The following HYDIN variants were observed in gnomAD, a reference collection of about 807,000 sequenced individuals.
HYDIN encodes axonemal central pair apparatus protein HYDIN.
In HYDIN, 132 loss-of-function variants were observed where a neutral mutation model predicts 403.9. That is an observed-to-expected ratio of 0.33 (90% CI 0.28 to 0.38). The LOEUF (loss-of-function observed/expected upper bound fraction) is 0.38, where lower values mean the gene tolerates loss of function less well. Ranked by LOEUF, HYDIN falls within the 10% of genes least tolerant of loss-of-function variation. The pLI is 1.00. For missense variants in HYDIN, 2,827 were observed against 5,009.5 expected (o/e 0.56, Z 13.15); for synonymous variants, 1,202 against 1,891.7 (o/e 0.64, Z 9.46).
intron 23 of HYDIN, among the ~76,000 whole-genome samples, chr16:71,011,693 C>A (rs2080090212): frequency 6.6e-6 from 1 of 152,080 alleles, no homozygotes; most frequent in South Asian, 2.1e-4. Flanking sequence ...CCACTGCACT[C>A]CAGCCTGGGT....
chr16:71,116,443 C>T (rs902265952), intron 9 of HYDIN, among the ~76,000 whole-genome samples: 14 of 152,174 alleles, frequency 9.2e-5, no homozygotes, highest in Non-Finnish European at 1.5e-4. Flanking sequence ...CTGGACACTT[C>T]GGTTGCTTCC....
rs911808992 is a variant in HYDIN at position 71,017,478 on chromosome 16, A to G, written c.3644+651T>C. Among the ~76,000 whole-genome samples the G allele has an allele frequency of 1.1e-3, 164 of 152,210 alleles. 1 individual carries two copies. Among genetic ancestry groups the G allele is most frequent in the African/African-American group, 3.8e-3 (157 of 41,498 alleles). On this transcript the variant is annotated intron_variant, in intron 23 of 85. Coordinates refer to ENST00000393567, the MANE Select transcript of HYDIN (RefSeq NM_001270974.2). ...ATTGTAAATTTCCTGAGGCCTCCCC[A>G]GCTATGTAGAACTGTGAGTCAATTA... is the stretch of plus-strand genomic sequence containing the variant.
chr16:70,888,720 C>T (rs958853568), intron 58 of HYDIN, among the ~76,000 whole-genome samples: 2 of 152,116 alleles, frequency 1.3e-5, no homozygotes, highest in Non-Finnish European at 2.9e-5. Flanking sequence ...GCTTGGTATT[C>T]GACCTTCTCC....
At chr16:70,892,611 G>A (rs1341520680) in intron 55 of HYDIN, 82 bp from the exon 56 acceptor site, 1 of 1,493,034 alleles carries the variant, frequency 6.7e-7, no homozygotes, top group Non-Finnish European at 8.9e-7. Context: ...AGATGGTTGA[G>A]TGCCTGCTGT....
chr16:71,064,636 AT>A, intron 16 of HYDIN, 68 bp downstream of exon 16: 1 of 1,422,416 alleles, frequency 7.0e-7, no homozygotes, highest in Non-Finnish European at 9.6e-7. Flanking sequence ...CTTCAGAGGG[AT>A]TTCTCTTTCT....
intron 7 of HYDIN, among the ~76,000 whole-genome samples, chr16:71,140,949 C>A (rs1020221279): frequency 1.3e-4 from 20 of 150,006 alleles, no homozygotes; most frequent in Non-Finnish European, 2.8e-4. Flanking sequence ...TGTCCCACTA[C>A]TAGAAATCTG....
Position 71,020,287 on chromosome 16 carries a change from G to C in HYDIN, c.3217C>G (p.Gln1073Glu), listed in dbSNP as rs1403226860. 1.9e-6 allele frequency: 3 copies of C among 1,613,802 alleles called. No homozygotes were observed. Among genetic ancestry groups the C allele is most frequent in the African/African-American group, 1.3e-5 (1 of 74,862 alleles). ...GAAATGTTCTTTATGGCCAAGGGCT[G>C]GTAATCAGGTTTCAGGATACTGTTA... ...KPNSILKPDY[Q>E]PLAIKNISTL... is the part of the protein sequence containing the mutation. The change falls in exon 22 of 86, where the codon CAG becomes GAG. Residue 1073 changes from glutamine to glutamate, a missense_variant. Transcript: ENST00000393567.
rs1276419758 is a variant in HYDIN at position 70,890,810 on chromosome 16, TG to T, written c.9656+835del. On this transcript the variant is annotated intron_variant, in intron 57 of 85. Transcript: ENST00000393567. ...AGGTAGCTTTGTGACGGTGTCTTCA[TG>T]GGGAGAAGGCAATAATAGTAACAGG... Among the ~76,000 whole-genome samples, 4 of 152,306 alleles carry T rather than the reference TG, an allele frequency of 2.6e-5. No individual in the cohort carries two copies. The East Asian group carries it at 7.7e-4, about 29-fold the overall frequency.
chr16:70,921,840 C>A (rs1215701389), intron 45 of HYDIN, among the ~76,000 whole-genome samples: 1 of 152,188 alleles, frequency 6.6e-6, no homozygotes, highest in African/African-American at 2.4e-5. Flanking sequence ...GCACCTCAGG[C>A]TTTTAAAATA....
At chr16:70,859,259 C>T (rs1025913039) in intron 71 of HYDIN, among the ~76,000 whole-genome samples, 2 of 152,034 alleles carry the variant, frequency 1.3e-5, no homozygotes, top group Non-Finnish European at 2.9e-5. Flanking sequence ...CGAGATCGCG[C>T]CACTGCACTC....
intron 1 of HYDIN, among the ~76,000 whole-genome samples, chr16:71,223,628 A>C (rs1304492444): frequency 4.1e-5 from 3 of 74,000 alleles, no homozygotes; most frequent in Non-Finnish European, 6.6e-5. Context: ...CAAATCAGCA[A>C]GAAAAAAAAA....
chr16:71,139,038 C>T (rs551228830), intron 7 of HYDIN, among the ~76,000 whole-genome samples: 2 of 146,906 alleles, frequency 1.4e-5, no homozygotes, highest in Non-Finnish European at 3.0e-5. Flanking sequence ...GAGCCAAGAT[C>T]GTCCCATTGC....
chr16:71,033,164 C>T (rs572082052), intron 18 of HYDIN, among the ~76,000 whole-genome samples: 1 of 151,792 alleles, frequency 6.6e-6, no homozygotes, highest in Non-Finnish European at 1.5e-5. Context: ...ATTAGTGAGA[C>T]CAATATTTCA....
At chr16:71,180,792 AT>A (rs1358354203) in intron 3 of HYDIN, among the ~76,000 whole-genome samples, 1 of 152,146 alleles carries the variant, frequency 6.6e-6, no homozygotes, top group Admixed American at 6.5e-5. Flanking sequence ...GTAATTGCTT[AT>A]TTCAAAAATT....
intron 49 of HYDIN, among the ~76,000 whole-genome samples, chr16:70,907,903 G>C (rs1383793808): frequency 1.3e-5 from 2 of 151,622 alleles, no homozygotes; most frequent in African/African-American, 4.8e-5. Flanking sequence ...TCAGTAGCTT[G>C]GAAAAATTTC....
Position 70,807,982 on chromosome 16 carries a change from T to C in HYDIN, c.14964A>G (p.Glu4988=). The C allele has an allele frequency of 5.6e-6, 9 of 1,614,102 alleles. No homozygotes were observed. Among genetic ancestry groups the C allele is most frequent in the Non-Finnish European group, 5.9e-6 (7 of 1,180,032 alleles). ...GGQGGTEASV[E]VLFEPSHLGE... is the part of the protein sequence containing the mutation. ...CCAGGTGGCTGGGCTCGAATAAGACTTCCACACTGGCTTCAGTGCCTCCCT... is the reference window on the plus strand; with the variant it reads ...CCAGGTGGCTGGGCTCGAATAAGACCTCCACACTGGCTTCAGTGCCTCCCT... The change falls in exon 86 of 86, where the codon GAA becomes GAG. Residue 4988 remains glutamate (E), a synonymous_variant. Coordinates refer to ENST00000393567, the MANE Select transcript of HYDIN (RefSeq NM_001270974.2).
intron 5 of HYDIN, among the ~76,000 whole-genome samples, chr16:71,173,503 A>C (rs951505854): frequency 4.6e-5 from 7 of 152,238 alleles, no homozygotes; most frequent in African/African-American, 1.7e-4. Context: ...CAGGATAAAC[A>C]GTAATAAAAT....
At chr16:70,870,636 T>A (rs573788845) in intron 65 of HYDIN, among the ~76,000 whole-genome samples, 38 of 152,350 alleles carry the variant, frequency 2.5e-4, no homozygotes, top group African/African-American at 9.1e-4. Context: ...CCTCTCTGCC[T>A]CCTTTGATTA....
At chr16:71,070,321 CTTT>C (rs1228628094) in intron 13 of HYDIN, among the ~76,000 whole-genome samples, 5 of 137,268 alleles carry the variant, frequency 3.6e-5, no homozygotes, top group Non-Finnish European at 3.2e-5. Flanking sequence ...TCCTTTCTTT[CTTT>C]TTTTTTTTTT....
Sources: gnomAD v4.1 joint callset for allele counts (sites outside exome capture counted in the v4.1 genomes callset) on GRCh38, gnomAD v4.1.1 for gene constraint, MANE v1.5 for transcripts, NCBI Gene and HGNC (gene_info 2026-07-23, HGNC 2026-07-21) for gene names.